RUFY3: variants seen among roughly 807,000 people sequenced by gnomAD.
RUFY3 encodes RUN and FYVE domain containing 3, also known as protein RUFY3.
Under a neutral mutation model 84.0 loss-of-function variants are expected in RUFY3, and 34 were observed. The ratio of observed to expected loss-of-function variants is 0.40; its 90% CI spans 0.31 to 0.54. The LOEUF is 0.54. Ranked by LOEUF, RUFY3 falls within the 20% of genes least tolerant of loss-of-function variation. RUFY3 has a pLI of 0.39. For synonymous variants in RUFY3, 242 were observed against 252.9 expected, an observed-to-expected ratio of 0.96 and a Z score of 0.41; for missense variants, 507 against 736.8, an observed-to-expected ratio of 0.69 and a Z score of 3.61.
intron 1 of RUFY3, among the ~76,000 whole-genome samples, chr4:70,713,968 CA>C (rs1486813967): frequency 1.3e-5 from 2 of 152,208 alleles, no homozygotes; most frequent in East Asian, 3.8e-4. Context: ...AAAGGAGAAG[CA>C]CTTATCATAG....
At chr4:70,783,214 C>A in intron 9 of RUFY3, 31 bp downstream of exon 9, 1 of 1,364,712 alleles carries the variant, frequency 7.3e-7, no homozygotes, top group Non-Finnish European at 1.0e-6. Flanking sequence ...AAAATATTCA[C>A]TGAGAGCATA....
At chr4:70,782,884 G>A (rs951085027) in intron 8 of RUFY3, among the ~76,000 whole-genome samples, 3 of 152,036 alleles carry the variant, frequency 2.0e-5, no homozygotes, top group East Asian at 3.9e-4. Context: ...TGCACTCCAG[G>A]CTGGGCAATA....
intron 1 of RUFY3, among the ~76,000 whole-genome samples, chr4:70,743,546 C>G (rs948203951): frequency 2.0e-5 from 3 of 152,006 alleles, no homozygotes; most frequent in African/African-American, 7.2e-5. Context: ...ATTAATAATG[C>G]AAGAGTCAAG....
intron 1 of RUFY3, among the ~76,000 whole-genome samples, chr4:70,743,051 CTATTAT>C (rs747036792): frequency 3.3e-5 from 5 of 151,638 alleles, no homozygotes; most frequent in South Asian, 4.2e-4. Context: ...GTGTTAGCTG[CTATTAT>C]TATTATTATT....
chr4:70,805,570 A>T (rs1732749353), intron 17 of RUFY3, among the ~76,000 whole-genome samples: 2 of 152,244 alleles, frequency 1.3e-5, no homozygotes, highest in Admixed American at 6.5e-5. Flanking sequence ...AATAAATTAT[A>T]ATATGACCTA....
At chr4:70,753,604 G>C (rs1350357636) in intron 1 of RUFY3, among the ~76,000 whole-genome samples, 1 of 152,180 alleles carries the variant, frequency 6.6e-6, no homozygotes, top group South Asian at 2.1e-4. Context: ...TAGTGTTGAA[G>C]TCTACAGCTT....
rs1425414619 is a variant in RUFY3 at position 70,789,321 on chromosome 4, C to T, written c.1240-174C>T. Among the ~76,000 whole-genome samples, 3 of 152,176 alleles carry T rather than the reference C, an allele frequency of 2.0e-5. No individual in the cohort carries two copies. The East Asian group carries it at 5.8e-4, about 29-fold the overall frequency. ...ATGAACTATTACTGTGATCACACTGCATATAACAATACTAACTTTAGATAA... is the reference window on the plus strand; with the variant it reads ...ATGAACTATTACTGTGATCACACTGTATATAACAATACTAACTTTAGATAA... On this transcript the variant is annotated intron_variant, in intron 11 of 17. Transcript: ENST00000381006.
chr4:70,737,113 T>C (rs1720440942), intron 1 of RUFY3, among the ~76,000 whole-genome samples: 1 of 152,220 alleles, frequency 6.6e-6, no homozygotes. Flanking sequence ...GTTTTGTCTT[T>C]CCTGCTTGCA....
chr4:70,738,227 G>A (rs1000470857), intron 1 of RUFY3, among the ~76,000 whole-genome samples: 5 of 151,378 alleles, frequency 3.3e-5, no homozygotes, highest in East Asian at 1.9e-4. Context: ...GGACTCAAGC[G>A]ATCTGCCTGC....
At chr4:70,724,443 A>G (rs1286478056) in intron 1 of RUFY3, among the ~76,000 whole-genome samples, 1 of 152,178 alleles carries the variant, frequency 6.6e-6, no homozygotes, top group African/African-American at 2.4e-5. Context: ...CAGGATTCCT[A>G]TGGATAAGCA....
intron 1 of RUFY3, among the ~76,000 whole-genome samples, chr4:70,710,406 C>T (rs1238044266): frequency 7.2e-6 from 1 of 138,042 alleles, no homozygotes; most frequent in Admixed American, 7.3e-5. Context: ...TGCGGTGGCT[C>T]ACGCCTGTAA....
Position 70,724,318 on chromosome 4 carries a change from G to A in RUFY3, c.178+1567G>A, listed in dbSNP as rs7673552. Among the ~76,000 whole-genome samples the A allele has an allele frequency of 2.8e-3, 425 of 152,128 alleles. 1 individual carries two copies. The highest frequency in any genetic ancestry group is 9.6e-3 in the African/African-American group (399 of 41,504). On this transcript the variant is annotated intron_variant, in intron 1 of 17. Transcript: ENST00000381006. ...TTTTGTTTGAAAAAAATGTATTCCC[G>A]TCCAATTTGAGAGTTATACAATATG... is the stretch of plus-strand genomic sequence containing the variant.
intron 11 of RUFY3, 63 bp downstream of exon 11, chr4:70,789,036 A>G: frequency 2.5e-6 from 4 of 1,570,570 alleles, no homozygotes; most frequent in East Asian, 2.3e-5. Flanking sequence ...CCCTCCTCCC[A>G]TCTGATCCTC....
chr4:70,775,886 A>G (rs955555003), intron 7 of RUFY3, among the ~76,000 whole-genome samples: 1 of 149,896 alleles, frequency 6.7e-6, no homozygotes, highest in Non-Finnish European at 1.5e-5. Flanking sequence ...GGCTGCAGTG[A>G]ACCCTGGTCT....
In RUFY3 at chr4:70,722,398, C is replaced by T; in HGVS notation, c.-176C>T. Reference sequence around the variant, plus strand: ...TTATCTTGAGCAGTTTGTTCTTAACCTATAAGGTATTTTTCCTTTTTTTTT... The same window carrying T: ...TTATCTTGAGCAGTTTGTTCTTAACTTATAAGGTATTTTTCCTTTTTTTTT... On this transcript the variant is annotated 5_prime_UTR_variant, in exon 1 of 18. Coordinates refer to ENST00000381006, the MANE Select transcript of RUFY3 (RefSeq NM_001037442.4). 3 of 1,350,208 alleles carry T rather than the reference C, an allele frequency of 2.2e-6. No individual in the cohort carries two copies. The highest frequency in any genetic ancestry group is 2.9e-6 in the Non-Finnish European group (3 of 1,052,260). The allele number at this position is 1,350,208 out of a possible 1,614,324, so 83.6% of individuals were successfully genotyped here. A position where few individuals can be genotyped will look rare whatever the true frequency, so the allele number is the denominator to read the frequency against.
chr4:70,754,975 C>G (rs1362761665), intron 1 of RUFY3, among the ~76,000 whole-genome samples: 1 of 151,398 alleles, frequency 6.6e-6, no homozygotes, highest in South Asian at 2.1e-4. Context: ...GTGATCTTGG[C>G]TCACTGCAAC....
At chr4:70,779,412 A>G (rs1728520310) in intron 8 of RUFY3, among the ~76,000 whole-genome samples, 1 of 152,164 alleles carries the variant, frequency 6.6e-6, no homozygotes, top group Non-Finnish European at 1.5e-5. Flanking sequence ...AGTCCCTAAA[A>G]TAAGAACAGA....
intron 4 of RUFY3, among the ~76,000 whole-genome samples, chr4:70,766,823 A>G (rs1486402647): frequency 6.6e-6 from 1 of 152,164 alleles, no homozygotes; most frequent in Non-Finnish European, 1.5e-5. Context: ...ATGTATCCAT[A>G]TGTCATTATA....
At chr4:70,786,103 C>A (rs1428469448) in intron 10 of RUFY3, among the ~76,000 whole-genome samples, 2 of 152,172 alleles carry the variant, frequency 1.3e-5, no homozygotes, top group Non-Finnish European at 2.9e-5. Flanking sequence ...TTTGTGGCAA[C>A]ATGGGTGAAC....
Sources: allele counts gnomAD v4.1 joint callset (sites outside exome capture counted in the v4.1 genomes callset), GRCh38; gene constraint gnomAD v4.1.1; transcripts MANE v1.5; gene names NCBI Gene and HGNC (gene_info 2026-07-23, HGNC 2026-07-21).